The following ACAP2 variants were observed in gnomAD, a reference collection of about 807,000 sequenced individuals.
The protein encoded by ACAP2 is arf-GAP with coiled-coil, ANK repeat and PH domain-containing protein 2.
In ACAP2, 39 loss-of-function variants were observed where a neutral mutation model predicts 115.8. The ratio of observed to expected loss-of-function variants is 0.34; its 90% confidence interval spans 0.26 to 0.44. The LOEUF (loss-of-function observed/expected upper bound fraction) is 0.44. Ranked by LOEUF, ACAP2 falls within the 20% of genes least tolerant of loss-of-function variation. ACAP2 has a pLI of 1.00. For synonymous variants in ACAP2, 289 were observed against 315.8 expected (o/e 0.92, Z 0.90); for missense variants, 662 against 927.6 (o/e 0.71, Z 3.72).
chr3:195,392,603 T>TA (rs1356610659), intron 1 of ACAP2, among the ~76,000 whole-genome samples: 1 of 152,232 alleles, frequency 6.6e-6, no homozygotes, highest in Non-Finnish European at 1.5e-5. Context: ...AAGTATTTTT[T>TA]AATCAGTACC....
chr3:195,405,545 G>C lies in ACAP2; in HGVS notation c.54-13398C>G, dbSNP rs150675442. On this transcript the variant is annotated intron_variant, in intron 1 of 22. Coordinates refer to ENST00000326793, the MANE Select transcript of ACAP2 (RefSeq NM_012287.6). Reference sequence around the variant, plus strand: ...TATTAAAAATACAAAAATTAGCTGGGTGTGGTGGCGCACACCTGTAATCCC... The same window carrying C: ...TATTAAAAATACAAAAATTAGCTGGCTGTGGTGGCGCACACCTGTAATCCC... 3.4e-3 allele frequency among the ~76,000 whole-genome samples: 520 copies of C among 152,162 alleles called. 22 individuals carry two copies. The East Asian group carries it at 0.075, about 22-fold the overall frequency.
Position 195,323,832 on chromosome 3 carries a change from G to A in ACAP2, c.745-3019C>T, listed in dbSNP as rs570708747. Among the ~76,000 whole-genome samples, 54 of 151,884 alleles carry A rather than the reference G, an allele frequency of 3.6e-4. 1 individual carries two copies. The highest frequency in any genetic ancestry group is 3.4e-3 in the Admixed American group (52 of 15,246). On this transcript the variant is annotated intron_variant, in intron 9 of 22. Transcript: ENST00000326793. ...TACAAAAAAAAAACAGAATGAATGA[G>A]ACCTAGTATTTGATAGCACAACAGG... is the stretch of plus-strand genomic sequence containing the variant.
At chr3:195,384,174 G>A (rs1485161398) in intron 2 of ACAP2, among the ~76,000 whole-genome samples, 2 of 152,130 alleles carry the variant, frequency 1.3e-5, no homozygotes, top group East Asian at 3.9e-4. Flanking sequence ...CACATGTAAA[G>A]ATATTCACTG....
rs554193480 is a variant in ACAP2 at position 195,400,277 on chromosome 3, T to C, written c.54-8130A>G. On this transcript the variant is annotated intron_variant, in intron 1 of 22. Transcript: ENST00000326793. ...ATCATCCTACATGGAGAATTTGAGG[T>C]GGGAGGAGAGGTCTATAGAATCTTC... Among the ~76,000 whole-genome samples, 10 of 151,922 alleles carry C rather than the reference T, an allele frequency of 6.6e-5. No individual in the cohort carries two copies. In the East Asian group the frequency reaches 1.7e-3, roughly 26 times the overall value.
chr3:195,339,953 G>A (rs1321742990), intron 6 of ACAP2, among the ~76,000 whole-genome samples: 1 of 151,636 alleles, frequency 6.6e-6, no homozygotes. Context: ...CAATAAATGC[G>A]TAAGTAGTCT....
chr3:195,290,928 C>T (rs1727209524), intron 20 of ACAP2, among the ~76,000 whole-genome samples: 1 of 151,892 alleles, frequency 6.6e-6, no homozygotes, highest in Non-Finnish European at 1.5e-5. Context: ...AGGGGAGGAT[C>T]GCTTGAGCCT....
intron 1 of ACAP2, among the ~76,000 whole-genome samples, chr3:195,424,944 AG>A (rs1393338048): frequency 5.5e-5 from 7 of 127,638 alleles, no homozygotes; most frequent in Admixed American, 8.4e-5. Flanking sequence ...AAAAAAAAAA[AG>A]GTTTTAAGAG....
intron 1 of ACAP2, among the ~76,000 whole-genome samples, chr3:195,435,992 C>T (rs1427070734): frequency 6.6e-5 from 10 of 151,872 alleles, no homozygotes; most frequent in Admixed American, 6.6e-4. Flanking sequence ...GCCTGCAATG[C>T]TGTTTTTGTT....
chr3:195,371,504 T>C (rs1733140706), intron 4 of ACAP2, among the ~76,000 whole-genome samples: 1 of 152,138 alleles, frequency 6.6e-6, no homozygotes, highest in African/African-American at 2.4e-5. Flanking sequence ...CTGCAAACAG[T>C]GATGGTCTGA....
At position 195,336,818 on chromosome 3, in the gene ACAP2, G is replaced by A. The variant is rs552875248; in HGVS notation, c.573+114C>T. ...AAGAAACACAAATGAAGATCAAAAA[G>A]AAGAGCAATTATAAACCTTATCATG... On this transcript the variant is annotated intron_variant, in intron 7 of 22. Coordinates refer to ENST00000326793, the MANE Select transcript of ACAP2 (RefSeq NM_012287.6). The A allele has an allele frequency of 8.8e-5, 73 of 830,714 alleles. No individual in the cohort carries two copies. The East Asian group carries it at 2.0e-3, about 23-fold the overall frequency. 51.5% of individuals were successfully genotyped at this position (830,714 alleles called of 1,614,324 possible). A position where few individuals can be genotyped will look rare whatever the true frequency, so the allele number is the denominator to read the frequency against.
At chr3:195,422,737 C>T (rs1215734182) in intron 1 of ACAP2, among the ~76,000 whole-genome samples, 1 of 152,134 alleles carries the variant, frequency 6.6e-6, no homozygotes, top group East Asian at 1.9e-4. Flanking sequence ...CATGTCACAT[C>T]TCTTTAAGAG....
At position 195,404,681 on chromosome 3, in the gene ACAP2, A is replaced by AG. The variant is rs1292319635; in HGVS notation, c.54-12535_54-12534insC. On this transcript the variant is annotated intron_variant, in intron 1 of 22. Coordinates refer to ENST00000326793, the MANE Select transcript of ACAP2 (RefSeq NM_012287.6). The stretch of plus-strand genomic sequence containing the variant: ...TATATACACACACACACACATATAT[A>AG]TTTATATACATACACACATATATAG... 8.8e-5 allele frequency among the ~76,000 whole-genome samples: 13 copies of AG among 147,434 alleles called. No individual in the cohort carries two copies. The East Asian group carries it at 1.7e-3, about 19-fold the overall frequency.
intron 1 of ACAP2, 48 bp from the exon 2 acceptor site, chr3:195,392,195 C>G (rs376759906): frequency 4.0e-5 from 58 of 1,442,654 alleles, no homozygotes; most frequent in Non-Finnish European, 5.6e-5. Flanking sequence ...TTTAAATGTA[C>G]ACTTTACTCT....
chr3:195,297,670 G>C (rs537496575), intron 15 of ACAP2, among the ~76,000 whole-genome samples: 1 of 152,322 alleles, frequency 6.6e-6, no homozygotes, highest in East Asian at 1.9e-4. Flanking sequence ...CCAGTGTTAG[G>C]ACAGTAAGTT....
chr3:195,371,047 C>G (rs1245775160), intron 4 of ACAP2, among the ~76,000 whole-genome samples: 1 of 151,210 alleles, frequency 6.6e-6, no homozygotes, highest in Non-Finnish European at 1.5e-5. Context: ...GCTATTCGAA[C>G]ACTTTTTTGG....
chr3:195,345,287 T>G lies in ACAP2; in HGVS notation c.316A>C (p.Lys106Gln). 6.2e-7 allele frequency: 1 copy of G among 1,611,640 alleles called. No homozygotes were observed. Among genetic ancestry groups the G allele is most frequent in the South Asian group, 1.1e-5 (1 of 90,894 alleles). ...TTAACAAAGTTCTGAAGCTGTGCCT[T>G]AATTGATCTCTGAGTTTGGTCAAAC... ...ILFDQTQRSI[K>Q]AQLQNFVKED... is the part of the protein sequence containing the mutation. Residue 106 changes from lysine to glutamine, a missense_variant, in exon 5 of 23, where the codon AAG (lysine) becomes CAG (glutamine). By Grantham distance (53) the Lys-to-Gln change is moderately conservative. Transcript: ENST00000326793.
At chr3:195,437,861 T>A (rs2108874860) in intron 1 of ACAP2, among the ~76,000 whole-genome samples, 1 of 132,906 alleles carries the variant, frequency 7.5e-6, no homozygotes, top group Non-Finnish European at 1.6e-5. Flanking sequence ...ATTTTTAAAA[T>A]GAGGATAAGT....
intron 4 of ACAP2, among the ~76,000 whole-genome samples, chr3:195,380,323 G>A (rs891976710): frequency 6.6e-6 from 1 of 152,024 alleles, no homozygotes; most frequent in Non-Finnish European, 1.5e-5. Flanking sequence ...ATTTTATGAA[G>A]ATTATAAGTA....
rs1407904902 is a variant in ACAP2, at chr3:195,442,897, A to G, written c.-50T>C. ...CTGGCAAAGCCGAGGGGGCCGCGGG[A>G]GCGGCCGCGCTGGGACGCAGACGGC... On this transcript the variant is annotated 5_prime_UTR_variant, in exon 1 of 23. Transcript: ENST00000326793. 1.4e-6 allele frequency: 2 copies of G among 1,478,492 alleles called. No homozygotes were observed. The highest frequency in any genetic ancestry group is 4.0e-4 in the Middle Eastern group (2 of 4,956). 91.6% of individuals were successfully genotyped at this position (1,478,492 alleles called of 1,614,324 possible).
Sources: allele counts gnomAD v4.1 joint callset (sites outside exome capture counted in the v4.1 genomes callset), GRCh38; gene constraint gnomAD v4.1.1; transcripts MANE v1.5; gene names NCBI Gene and HGNC (gene_info 2026-07-23, HGNC 2026-07-21).